The following PELI1 variants were observed in gnomAD, a reference collection of about 807,000 sequenced individuals.
PELI1 encodes the protein E3 ubiquitin-protein ligase pellino homolog 1.
In PELI1, 15 loss-of-function variants were observed where a neutral mutation model predicts 41.3. That is an observed-to-expected ratio of 0.36 (90% confidence interval 0.24 to 0.56). The LOEUF is 0.56. PELI1 is among the 20% of genes least tolerant of loss of function. The pLI, the probability that PELI1 is intolerant of heterozygous loss-of-function variation, is 0.82. For missense variants in PELI1, 403 were observed against 525.5 expected (o/e 0.77, Z 2.28); for synonymous variants, 178 against 180.1 (o/e 0.99, Z 0.09).
intron 1 of PELI1, among the ~76,000 whole-genome samples, chr2:64,129,092 TACTG>T (rs1220273774): frequency 2.6e-5 from 4 of 152,312 alleles, no homozygotes; most frequent in Non-Finnish European, 5.9e-5. Context: ...TTCATACACT[TACTG>T]ACCATTTGCC....
At chr2:64,140,630 T>A (rs927174483) in intron 1 of PELI1, among the ~76,000 whole-genome samples, 3 of 151,764 alleles carry the variant, frequency 2.0e-5, no homozygotes, top group Non-Finnish European at 2.9e-5. Flanking sequence ...AATTAGAAAT[T>A]CCCTGACATC....
intron 1 of PELI1, among the ~76,000 whole-genome samples, chr2:64,136,756 A>G (rs1211676043): frequency 6.6e-6 from 1 of 152,140 alleles, no homozygotes; most frequent in Non-Finnish European, 1.5e-5. Flanking sequence ...ACAAACATTT[A>G]GCTGGGCGTA....
chr2:64,140,236 AT>A (rs1558489868), intron 1 of PELI1, among the ~76,000 whole-genome samples: 1 of 152,222 alleles, frequency 6.6e-6, no homozygotes, highest in South Asian at 2.1e-4. Flanking sequence ...TGTTGAATTA[AT>A]TTTTTTAAAA....
intron 5 of PELI1, 48 bp downstream of exon 5, chr2:64,096,365 T>C: frequency 6.3e-7 from 1 of 1,597,224 alleles, no homozygotes; most frequent in Non-Finnish European, 8.6e-7. Context: ...TAACTTGGAA[T>C]GAAAGCTAGT....
At chr2:64,131,832 G>A (rs1221528777) in intron 1 of PELI1, among the ~76,000 whole-genome samples, 2 of 152,020 alleles carry the variant, frequency 1.3e-5, no homozygotes, top group Admixed American at 6.6e-5. Context: ...TGTTGGCCAG[G>A]CTGGTCTCGA....
rs144211176 is a variant in PELI1 at position 64,112,074 on chromosome 2, T to C, written c.-69-3695A>G. Among the ~76,000 whole-genome samples, 505 of 152,308 alleles carry C rather than the reference T, an allele frequency of 3.3e-3. 1 individual carries two copies. The highest frequency in any genetic ancestry group is 0.012 in the African/African-American group (479 of 41,558). ...CTATTTAAAGGATATAATGGTTTTC[T>C]ATTTATAGTAGCAAAAAATTTCCTT... On this transcript the variant is annotated intron_variant, in intron 1 of 6. Transcript: ENST00000358912.
intron 1 of PELI1, among the ~76,000 whole-genome samples, chr2:64,119,927 A>G (rs1467048556): frequency 6.6e-6 from 1 of 152,240 alleles, no homozygotes; most frequent in African/African-American, 2.4e-5. Context: ...AATACAATTC[A>G]TATGTAAAGA....
chr2:64,129,120 T>A (rs917528718), intron 1 of PELI1, among the ~76,000 whole-genome samples: 1 of 152,158 alleles, frequency 6.6e-6, no homozygotes, highest in African/African-American at 2.4e-5. Context: ...GTGCCACCCT[T>A]TTTTGGTATC....
intron 1 of PELI1, among the ~76,000 whole-genome samples, chr2:64,110,152 G>T (rs1680757985): frequency 6.7e-6 from 1 of 150,288 alleles, no homozygotes; most frequent in Non-Finnish European, 1.5e-5. Flanking sequence ...GCTAAAGTGG[G>T]AGTAATCGCT....
intron 1 of PELI1, among the ~76,000 whole-genome samples, chr2:64,129,218 G>A (rs1558485387): frequency 6.6e-6 from 1 of 152,106 alleles, no homozygotes; most frequent in Non-Finnish European, 1.5e-5. Context: ...TGCAACTCTT[G>A]CTTCCCTTGC....
intron 6 of PELI1, 35 bp from the exon 7 acceptor site, chr2:64,095,303 A>G (rs1468133152): frequency 6.8e-7 from 1 of 1,472,610 alleles, no homozygotes; most frequent in East Asian, 2.3e-5. Context: ...CATATTCACC[A>G]CTCTGTTTTG....
intron 2 of PELI1, among the ~76,000 whole-genome samples, chr2:64,106,884 A>C (rs1680639276): frequency 6.6e-6 from 1 of 152,220 alleles, no homozygotes; most frequent in Admixed American, 6.5e-5. Context: ...CTTTTTAGGC[A>C]AAAGGAGGGA....
chr2:64,123,168 AT>A (rs1342345337), intron 1 of PELI1, among the ~76,000 whole-genome samples: 21 of 152,342 alleles, frequency 1.4e-4, no homozygotes, highest in African/African-American at 4.8e-4. Flanking sequence ...TCTTTTCTAT[AT>A]GTTGTTATAA....
intron 4 of PELI1, among the ~76,000 whole-genome samples, chr2:64,099,308 G>A (rs1404584328): frequency 6.6e-6 from 1 of 151,422 alleles, no homozygotes; most frequent in Non-Finnish European, 1.5e-5. Context: ...TGAGACTACA[G>A]GCCTAGTAGC....
chr2:64,124,718 T>C (rs547976789), intron 1 of PELI1, among the ~76,000 whole-genome samples: 1 of 152,364 alleles, frequency 6.6e-6, no homozygotes, highest in South Asian at 2.1e-4. Flanking sequence ...TCTTGCATCA[T>C]GTTCAATGAG....
Position 64,121,836 on chromosome 2 carries a change from C to T in PELI1, c.-69-13457G>A, listed in dbSNP as rs183762900. Among the ~76,000 whole-genome samples the T allele has an allele frequency of 4.0e-3, 590 of 148,634 alleles. 5 individuals are homozygous for T. Among genetic ancestry groups the T allele is most frequent in the African/African-American group, 0.014 (555 of 40,250 alleles). On this transcript the variant is annotated intron_variant, in intron 1 of 6. Transcript: ENST00000358912. ...AGGAGAATAGCTTGAACCCGGGAGGCGGAGGTTGTGGTGAGCCGAGATCAC... is the reference window on the plus strand; with the variant it reads ...AGGAGAATAGCTTGAACCCGGGAGGTGGAGGTTGTGGTGAGCCGAGATCAC...
At chr2:64,110,042 C>T (rs1161369744) in intron 1 of PELI1, among the ~76,000 whole-genome samples, 4 of 152,018 alleles carry the variant, frequency 2.6e-5, no homozygotes, top group African/African-American at 4.8e-5. Context: ...GTCAGGAGTT[C>T]GAGACCAGCC....
intron 1 of PELI1, among the ~76,000 whole-genome samples, chr2:64,138,531 G>T (rs72893165): frequency 3.9e-5 from 6 of 151,918 alleles, no homozygotes; most frequent in Non-Finnish European, 8.8e-5. Flanking sequence ...GTTTCAGACC[G>T]GTCCGGCCAA....
At chr2:64,142,879 A>G (rs567250107) in intron 1 of PELI1, among the ~76,000 whole-genome samples, 1 of 152,238 alleles carries the variant, frequency 6.6e-6, no homozygotes, top group Non-Finnish European at 1.5e-5. Context: ...TGCAATGAAA[A>G]CAAAGTAACA....
Sources: gnomAD v4.1 joint callset for allele counts (sites outside exome capture counted in the v4.1 genomes callset) on GRCh38, gnomAD v4.1.1 for gene constraint, MANE v1.5 for transcripts, NCBI Gene and HGNC (gene_info 2026-07-23, HGNC 2026-07-21) for gene names.